Variants in CCNH observed in about 807,000 individuals in gnomAD.
CCNH encodes the protein cyclin-H.
Under a neutral mutation model 41.9 loss-of-function variants are expected in CCNH, and 31 were observed. The observed-to-expected ratio is 0.74, with a 90% confidence interval of 0.56 to 1.00. The LOEUF is 1.00. Among genes scored for constraint, CCNH ranks in the 50% least tolerant of loss-of-function variants. The pLI is 0.00. For synonymous variants in CCNH, 138 were observed against 136.1 expected, an observed-to-expected ratio of 1.01 and a Z score of -0.10; for missense variants, 362 against 388.4, an observed-to-expected ratio of 0.93 and a Z score of 0.57.
At chr5:87,398,521 T>G (rs1362660414) in intron 7 of CCNH, among the ~76,000 whole-genome samples, 1 of 152,212 alleles carries the variant, frequency 6.6e-6, no homozygotes, top group African/African-American at 2.4e-5. Context: ...AATTCCCAAC[T>G]GCTTAAACAC....
chr5:87,328,621 A>G (rs1005295689), intron 9 of CCNH, among the ~76,000 whole-genome samples: 1 of 152,186 alleles, frequency 6.6e-6, no homozygotes, highest in African/African-American at 2.4e-5. Flanking sequence ...AAAAAGAATT[A>G]CAGACTTCAG....
At chr5:87,410,968 A>G (rs925997323) in intron 2 of CCNH, among the ~76,000 whole-genome samples, 2 of 151,906 alleles carry the variant, frequency 1.3e-5, no homozygotes, top group Admixed American at 6.6e-5. Context: ...AAAGTAATTT[A>G]TTTTTTTTCT....
downstream of CCNH, among the ~76,000 whole-genome samples, chr5:87,316,970 C>A (rs1366978808): frequency 6.6e-6 from 1 of 151,872 alleles, no homozygotes; most frequent in African/African-American, 2.4e-5. Flanking sequence ...GCAACCTCTA[C>A]CTCCTGGATT....
At chr5:87,356,383 AT>A (rs11409141) in intron 9 of CCNH, among the ~76,000 whole-genome samples, 445 of 141,492 alleles carry the variant, frequency 3.1e-3, no homozygotes, top group East Asian at 5.0e-3. Flanking sequence ...GATGATTGTT[AT>A]TTTTTTTTTT....
At chr5:87,386,193 C>G (rs745926758) in intron 9 of CCNH, among the ~76,000 whole-genome samples, 15 of 151,822 alleles carry the variant, frequency 9.9e-5, no homozygotes, top group Non-Finnish European at 1.5e-4. Flanking sequence ...ATGTCTTTAT[C>G]TTTGGAATTG....
intron 9 of CCNH, among the ~76,000 whole-genome samples, chr5:87,347,388 T>A (rs1032814132): frequency 2.0e-5 from 3 of 152,034 alleles, no homozygotes; most frequent in Non-Finnish European, 4.4e-5. Flanking sequence ...TGTCATTGTT[T>A]ATTCTTACTA....
rs1016248975 is a variant in CCNH at position 87,412,429 on chromosome 5, ACTTACT to A, written c.117+243_117+248del. On this transcript the variant is annotated intron_variant, in intron 1 of 8. Transcript: ENST00000256897. ...TTGCCACGCACTACCTTAGCACACT[ACTTACT>A]CTCTTCTTCACTACGTTACAAAGAC... The A allele has an allele frequency of 1.7e-5, 23 of 1,353,244 alleles. No individual in the cohort carries two copies. The African/African-American group carries it at 3.2e-4, about 19-fold the overall frequency. 83.8% of individuals were successfully genotyped at this position (1,353,244 alleles called of 1,614,324 possible).
chr5:87,370,622 T>TGA (rs1491579246), intron 9 of CCNH, among the ~76,000 whole-genome samples: 5 of 152,256 alleles, frequency 3.3e-5, no homozygotes, highest in Admixed American at 3.3e-4. Context: ...ATCGAGACAC[T>TGA]GTAAGCCAGC....
At chr5:87,322,920 G>A (rs1756935288) in intron 9 of CCNH, among the ~76,000 whole-genome samples, 1 of 152,200 alleles carries the variant, frequency 6.6e-6, no homozygotes, top group Admixed American at 6.5e-5. Flanking sequence ...AGAGAAGTGT[G>A]AGAGTGTCTG....
intron 6 of CCNH, among the ~76,000 whole-genome samples, chr5:87,400,292 C>G (rs1763301578): frequency 6.6e-6 from 1 of 152,164 alleles, no homozygotes; most frequent in Non-Finnish European, 1.5e-5. Flanking sequence ...AGGACAGTAT[C>G]TATGTTCCAA....
chr5:87,338,550 T>TTTTTTTTTTTTA (rs1758195745), intron 9 of CCNH, among the ~76,000 whole-genome samples: 1 of 139,858 alleles, frequency 7.2e-6, no homozygotes, highest in African/African-American at 2.6e-5. Context: ...TTTTTTTTTT[T>TTTTTTTTTTTTA]AAGTAGAAAT....
chr5:87,405,270 A>G (rs1353565200), intron 4 of CCNH, among the ~76,000 whole-genome samples: 1 of 152,166 alleles, frequency 6.6e-6, no homozygotes, highest in Non-Finnish European at 1.5e-5. Context: ...TCCCAGGTAA[A>G]TGCTTCTCTC....
upstream of CCNH, among the ~76,000 whole-genome samples, chr5:87,378,220 G>A (rs1761454002): frequency 6.6e-6 from 1 of 152,184 alleles, no homozygotes; most frequent in Middle Eastern, 3.2e-3. Flanking sequence ...AAGTCTTACA[G>A]AGTTAAGTCT....
intron 7 of CCNH, 145 bp from the exon 8 acceptor site, chr5:87,395,249 G>A (rs1301590544): frequency 5.3e-6 from 3 of 564,036 alleles, no homozygotes; most frequent in Non-Finnish European, 9.2e-6. Context: ...AACAGCTATG[G>A]GGTAGGGAAA....
rs1025780112 is a variant in CCNH, at chr5:87,385,177, G to C, written c.*90+7593C>G. 8.9e-5 allele frequency: 64 copies of C among 721,946 alleles called. 1 individual carries two copies. Among genetic ancestry groups the C allele is most frequent in the Non-Finnish European group, 1.5e-5 (6 of 398,932 alleles). The allele number at this position is 721,946 out of a possible 1,614,324, so 44.7% of individuals were successfully genotyped here. ...AAACATTTTTCCAAAAACATTCTGAGTTCCGAATGGAAGAATGGGTAGTAG... is the reference window on the plus strand; with the variant it reads ...AAACATTTTTCCAAAAACATTCTGACTTCCGAATGGAAGAATGGGTAGTAG... On this transcript the variant is annotated intron_variant and NMD_transcript_variant, in intron 9 of 9. Coordinates refer to the CCNH transcript ENST00000645953.
Position 87,394,432 on chromosome 5 carries a change from T to C in CCNH, c.*14A>G. On this transcript the variant is annotated 3_prime_UTR_variant, in exon 9 of 9. Transcript: ENST00000256897. The stretch of plus-strand genomic sequence containing the variant: ...CTCTTGATTAGTTAGCATTGAGAAA[T>C]CAACTTCAAATGGTTAGAGAGATTC... 6.2e-7 allele frequency: 1 copy of C among 1,611,868 alleles called. No individual in the cohort carries two copies. The highest frequency in any genetic ancestry group is 1.1e-5 in the South Asian group (1 of 90,834).
chr5:87,352,902 C>T (rs1265311069), intron 9 of CCNH, among the ~76,000 whole-genome samples: 2 of 151,760 alleles, frequency 1.3e-5, no homozygotes, highest in Non-Finnish European at 2.9e-5. Flanking sequence ...TATTGTTGAC[C>T]TGGCTGCCCA....
At chr5:87,363,195 T>C (rs981559234) in intron 9 of CCNH, among the ~76,000 whole-genome samples, 2 of 152,072 alleles carry the variant, frequency 1.3e-5, no homozygotes, top group Non-Finnish European at 2.9e-5. Context: ...ACAGATTTGT[T>C]ATAGGCATTT....
intron 9 of CCNH, among the ~76,000 whole-genome samples, chr5:87,358,241 C>CA (rs1759800560): frequency 6.6e-6 from 1 of 152,070 alleles, no homozygotes. Flanking sequence ...AAGCATTAGA[C>CA]AAAAAGGGTC....
Sources: gnomAD v4.1 joint callset for allele counts (sites outside exome capture counted in the v4.1 genomes callset) on GRCh38, gnomAD v4.1.1 for gene constraint, MANE v1.5 for transcripts, NCBI Gene and HGNC (gene_info 2026-07-23, HGNC 2026-07-21) for gene names.